The following OXR1 variants were observed in gnomAD, a reference collection of about 807,000 sequenced individuals.
OXR1 encodes the protein oxidation resistance protein 1.
In OXR1, 41 loss-of-function variants were observed where a neutral mutation model predicts 104.6. The ratio of observed to expected loss-of-function variants is 0.39; its 90% CI spans 0.31 to 0.51. The LOEUF is 0.51. Among genes scored for constraint, OXR1 ranks in the 20% least tolerant of loss-of-function variants. The pLI is 0.77. For synonymous variants in OXR1, 348 were observed against 348.4 expected, an observed-to-expected ratio of 1.00 and a Z score of 0.01; for missense variants, 955 against 1,031.9, an observed-to-expected ratio of 0.93 and a Z score of 1.02.
chr8:106,344,790 G>C lies in OXR1; in HGVS notation c.-138-14686G>C, dbSNP rs188864678. Among the ~76,000 whole-genome samples the C allele has an allele frequency of 4.8e-4, 73 of 152,276 alleles. 1 individual carries two copies. The highest frequency in any genetic ancestry group is 6.8e-3 in the Middle Eastern group (2 of 294). On this transcript the variant is annotated intron_variant, in intron 1 of 16. Transcript: ENST00000517566. ...TGTAACACTCTTGTATTCCTTTCCA[G>C]TCTTACATCTTACCACATACCCCTC...
chr8:106,525,194 G>C (rs570937426), intron 3 of OXR1, among the ~76,000 whole-genome samples: 1 of 152,326 alleles, frequency 6.6e-6, no homozygotes, highest in African/African-American at 2.4e-5. Context: ...GAATTCAGTT[G>C]GAGGACGAGC....
At chr8:106,565,477 A>G (rs1176506793) in intron 3 of OXR1, among the ~76,000 whole-genome samples, 1 of 152,212 alleles carries the variant, frequency 6.6e-6, no homozygotes. Context: ...GAAATAAGAG[A>G]GGACAAAAAT....
At chr8:106,516,430 CTG>C (rs1812865109) in intron 2 of OXR1, among the ~76,000 whole-genome samples, 1 of 152,160 alleles carries the variant, frequency 6.6e-6, no homozygotes, top group African/African-American at 2.4e-5. Flanking sequence ...GTGTTGTTCA[CTG>C]TGTATCCCTG....
At chr8:106,556,566 G>A (rs1362283961) in intron 3 of OXR1, among the ~76,000 whole-genome samples, 1 of 152,052 alleles carries the variant, frequency 6.6e-6, no homozygotes, top group Non-Finnish European at 1.5e-5. Flanking sequence ...TGCTTCATCT[G>A]GGAAACAGGA....
chr8:106,280,612 G>A (rs1204587456), intron 1 of OXR1, among the ~76,000 whole-genome samples: 1 of 152,174 alleles, frequency 6.6e-6, no homozygotes, highest in Non-Finnish European at 1.5e-5. Flanking sequence ...AATGGGTACA[G>A]AGTTTCAGTC....
chr8:106,671,759 A>G (rs560296665), intron 3 of OXR1, among the ~76,000 whole-genome samples: 2 of 144,316 alleles, frequency 1.4e-5, no homozygotes, highest in South Asian at 2.3e-4. Flanking sequence ...ATAGGTGGGA[A>G]TTGAAGAACG....
intron 2 of OXR1, among the ~76,000 whole-genome samples, chr8:106,474,634 C>G (rs1037006807): frequency 1.3e-5 from 2 of 151,886 alleles, no homozygotes; most frequent in Non-Finnish European, 2.9e-5. Flanking sequence ...CAGCCATACT[C>G]ATTTGTGTAT....
Position 106,331,997 on chromosome 8 carries a change from AGTGTGTGTGTGT to A in OXR1, c.-138-27445_-138-27434del, listed in dbSNP as rs3073756. On this transcript the variant is annotated intron_variant, in intron 1 of 16. Transcript: ENST00000517566. ...TATATTTATTTCTTAGAAAGAACAT[AGTGTGTGTGTGT>A]GTGTGTGTGTGTGTGTGTGTGTGTG... Among the ~76,000 whole-genome samples the A allele has an allele frequency of 6.8e-4, 94 of 138,170 alleles. 1 individual carries two copies. The highest frequency in any genetic ancestry group is 7.4e-3 in the Middle Eastern group (2 of 272). 90.6% of individuals were successfully genotyped at this position (138,170 alleles called of 152,430 possible).
intron 2 of OXR1, among the ~76,000 whole-genome samples, chr8:106,516,279 T>G (rs964563743): frequency 2.6e-5 from 4 of 152,188 alleles, no homozygotes; most frequent in African/African-American, 9.6e-5. Flanking sequence ...AATGCATACC[T>G]TCATTCCCTA....
chr8:106,452,643 C>CTGG (rs1820380624), intron 2 of OXR1, among the ~76,000 whole-genome samples: 1 of 152,112 alleles, frequency 6.6e-6, no homozygotes, highest in African/African-American at 2.4e-5. Flanking sequence ...ACTTGGTCAC[C>CTGG]AATTTACTGT....
In OXR1 at chr8:106,447,447, C is replaced by T. The variant is rs139470829; in HGVS notation, c.24-71496C>T. Reference sequence around the variant, plus strand: ...CTCTGCCACTTACTAGTTATGTAACCGTGGGCAAGTTCCTCAACCTTGGTA... The same window carrying T: ...CTCTGCCACTTACTAGTTATGTAACTGTGGGCAAGTTCCTCAACCTTGGTA... On this transcript the variant is annotated intron_variant, in intron 2 of 16. Coordinates refer to ENST00000517566, the MANE Select transcript of OXR1 (RefSeq NM_001198533.2). Among the ~76,000 whole-genome samples the T allele has an allele frequency of 4.9e-4, 75 of 152,232 alleles. 2 individuals carry two copies. In the East Asian group the frequency reaches 0.013, roughly 26 times the overall value.
intron 14 of OXR1, among the ~76,000 whole-genome samples, 166 bp downstream of exon 14, chr8:106,740,661 G>A (rs1425574026): frequency 6.6e-6 from 1 of 152,158 alleles, no homozygotes; most frequent in Non-Finnish European, 1.5e-5. Flanking sequence ...ACAGAGGATA[G>A]ATATGAGCAT....
intron 2 of OXR1, among the ~76,000 whole-genome samples, chr8:106,469,349 G>T (rs983791712): frequency 6.6e-6 from 1 of 151,720 alleles, no homozygotes; most frequent in Non-Finnish European, 1.5e-5. Context: ...AAATTTCACT[G>T]AAGAAACTCT....
At position 106,526,595 on chromosome 8, in the gene OXR1, T is replaced by G. The variant is rs377458233; in HGVS notation, c.220+7456T>G. Among the ~76,000 whole-genome samples, 474 of 152,350 alleles carry G rather than the reference T, an allele frequency of 3.1e-3. 4 individuals are homozygous for G. The highest frequency in any genetic ancestry group is 5.6e-3 in the Non-Finnish European group (380 of 68,026). ...TCTCGCTCTGTCGCCCAGGCTGGAG[T>G]GCAGTGGCGCAATCTCGGCTCGCTG... On this transcript the variant is annotated intron_variant, in intron 3 of 16. Transcript: ENST00000517566.
At chr8:106,664,032 G>A (rs747810174) in intron 3 of OXR1, among the ~76,000 whole-genome samples, 1 of 152,180 alleles carries the variant, frequency 6.6e-6, no homozygotes, top group Non-Finnish European at 1.5e-5. Flanking sequence ...TCCTAAAGCC[G>A]GATGGGAGGA....
intron 2 of OXR1, among the ~76,000 whole-genome samples, chr8:106,495,118 C>T (rs1811331414): frequency 6.6e-6 from 1 of 151,548 alleles, no homozygotes; most frequent in Non-Finnish European, 1.5e-5. Flanking sequence ...TGGTAATATG[C>T]ATAGATATAT....
chr8:106,721,557 A>G (rs1461669402), intron 11 of OXR1, among the ~76,000 whole-genome samples: 1 of 152,196 alleles, frequency 6.6e-6, no homozygotes, highest in East Asian at 1.9e-4. Flanking sequence ...CAAAATACTG[A>G]TAAAAAGACA....
At chr8:106,418,248 T>C (rs1818759117) in intron 2 of OXR1, among the ~76,000 whole-genome samples, 1 of 152,106 alleles carries the variant, frequency 6.6e-6, no homozygotes, top group Admixed American at 6.6e-5. Flanking sequence ...TATTTTATTT[T>C]GTAAATGGGC....
chr8:106,357,794 G>T (rs925885189), intron 1 of OXR1, among the ~76,000 whole-genome samples: 13 of 152,056 alleles, frequency 8.5e-5, no homozygotes, highest in African/African-American at 3.1e-4. Context: ...GTAAACAATG[G>T]ACTGATTCCA....
Sources: allele counts gnomAD v4.1 joint callset (sites outside exome capture counted in the v4.1 genomes callset), GRCh38; gene constraint gnomAD v4.1.1; transcripts MANE v1.5; gene names NCBI Gene and HGNC (gene_info 2026-07-23, HGNC 2026-07-21).